KMT2E: variants seen among roughly 807,000 people sequenced by gnomAD.
KMT2E encodes lysine methyltransferase 2E (inactive).
Under a neutral mutation model 184.6 loss-of-function variants are expected in KMT2E, and 30 were observed. The observed-to-expected ratio is 0.16, with a 90% confidence interval of 0.12 to 0.22. The LOEUF (loss-of-function observed/expected upper bound fraction) is 0.22, where lower values mean the gene tolerates loss of function less well. Among genes scored for constraint, KMT2E ranks in the 10% least tolerant of loss-of-function variants. The pLI, the probability that KMT2E is intolerant of heterozygous loss-of-function variation, is 1.00. For synonymous variants in KMT2E, 815 were observed against 776.5 expected (o/e 1.05, Z -0.82); for missense variants, 2,023 against 2,237.4 (o/e 0.90, Z 1.93).
chr7:105,049,315 C>T (rs1367533869), intron 3 of KMT2E, among the ~76,000 whole-genome samples: 1 of 152,010 alleles, frequency 6.6e-6, no homozygotes, highest in Non-Finnish European at 1.5e-5. Flanking sequence ...AGTGTGGTTG[C>T]TTGTGCCCGT....
intron 12 of KMT2E, among the ~76,000 whole-genome samples, chr7:105,081,047 T>TTCAGAG (rs1319307808): frequency 1.3e-5 from 2 of 151,384 alleles, no homozygotes; most frequent in Non-Finnish European, 2.9e-5. Context: ...TGCCACCAGT[T>TTCAGAG]ATAAGACTCC....
intron 23 of KMT2E, among the ~76,000 whole-genome samples, 157 bp from the exon 24 acceptor site, chr7:105,110,121 CTG>C (rs1248052475): frequency 6.6e-6 from 1 of 152,188 alleles, no homozygotes; most frequent in Non-Finnish European, 1.5e-5. Flanking sequence ...GCGTGAGCCA[CTG>C]TGCCCTGCCA....
Position 105,040,929 on chromosome 7 carries a change from T to A in KMT2E, c.-24T>A. 6.3e-7 allele frequency: 1 copy of A among 1,596,682 alleles called. No individual in the cohort carries two copies. Among genetic ancestry groups the A allele is most frequent in the Non-Finnish European group, 8.6e-7 (1 of 1,167,454 alleles). On this transcript the variant is annotated 5_prime_UTR_variant, in exon 3 of 27. Transcript: ENST00000311117. The stretch of plus-strand genomic sequence containing the variant: ...ACCAATGCATAGGACTCCATAGTAA[T>A]CGAATTTACCAGAGGCGAACGTCAT...
chr7:105,085,840 G>C (rs978904812), intron 13 of KMT2E, among the ~76,000 whole-genome samples: 4 of 151,762 alleles, frequency 2.6e-5, no homozygotes, highest in Middle Eastern at 3.2e-3. Flanking sequence ...GACTAATTTT[G>C]TTTTTGTATT....
At chr7:105,053,314 A>G (rs1019998974) in intron 3 of KMT2E, among the ~76,000 whole-genome samples, 3 of 152,172 alleles carry the variant, frequency 2.0e-5, no homozygotes, top group Admixed American at 6.5e-5. Context: ...GACATAACGT[A>G]GGAAGAGAAG....
At chr7:105,056,213 G>C (rs1796565576) in intron 3 of KMT2E, among the ~76,000 whole-genome samples, 1 of 152,140 alleles carries the variant, frequency 6.6e-6, no homozygotes, top group Non-Finnish European at 1.5e-5. Flanking sequence ...AGTATATTTA[G>C]AATCATTCCG....
intron 1 of KMT2E, among the ~76,000 whole-genome samples, chr7:105,015,480 C>G (rs1268685259): frequency 1.3e-5 from 2 of 152,130 alleles, no homozygotes; most frequent in Admixed American, 6.5e-5. Context: ...ATTTTGTTCC[C>G]TTTTTAGAGA....
At chr7:105,053,012 C>T (rs1021744237) in intron 3 of KMT2E, among the ~76,000 whole-genome samples, 2 of 152,152 alleles carry the variant, frequency 1.3e-5, no homozygotes, top group Non-Finnish European at 2.9e-5. Context: ...TTTATAGCCT[C>T]TTCATTGTAG....
intron 1 of KMT2E, among the ~76,000 whole-genome samples, chr7:105,026,549 G>C (rs936966045): frequency 1.3e-4 from 20 of 152,152 alleles, no homozygotes; most frequent in African/African-American, 4.6e-4. Flanking sequence ...GATTGTGTTG[G>C]TTAACATCGC....
intron 5 of KMT2E, among the ~76,000 whole-genome samples, chr7:105,065,947 C>T (rs928534254): frequency 4.6e-5 from 7 of 152,150 alleles, no homozygotes; most frequent in Non-Finnish European, 1.0e-4. Context: ...TCAAACTGGT[C>T]CATGTATTCT....
At chr7:105,073,483 A>G in intron 6 of KMT2E, 136 bp from the exon 7 acceptor site, 3 of 558,386 alleles carry the variant, frequency 5.4e-6, no homozygotes, top group Non-Finnish European at 9.7e-6. Flanking sequence ...TGTAAACTGT[A>G]TTGCAAGGGA....
intron 3 of KMT2E, among the ~76,000 whole-genome samples, chr7:105,050,079 T>C (rs1796266965): frequency 1.3e-5 from 2 of 152,164 alleles, no homozygotes; most frequent in Admixed American, 1.3e-4. Context: ...CATGTAAATA[T>C]AACAGAATTA....
At chr7:105,079,029 G>A (rs995375643) in intron 12 of KMT2E, 66 bp downstream of exon 12, 5 of 839,404 alleles carry the variant, frequency 6.0e-6, no homozygotes, top group Middle Eastern at 2.2e-4. Flanking sequence ...TGAGCAATAA[G>A]CACAAAACTC....
chr7:105,106,710 C>T lies in KMT2E; in HGVS notation c.2785C>T (p.Pro929Ser). The change falls in exon 20 of 27, where the codon CCC becomes TCC. Residue 929 changes from proline to serine, a missense_variant. Transcript: ENST00000311117. The stretch of plus-strand genomic sequence containing the variant: ...TGAAACTTGTAGAAATGGTTATAAA[C>T]CCATATATTCACCAGTTACCCCAGT... Reference protein sequence around the residue: ...DDETCRNGYKPIYSPVTPVTP... With the variant: ...DDETCRNGYKSIYSPVTPVTP... The T allele has an allele frequency of 6.2e-7, 1 of 1,613,504 alleles. No individual in the cohort carries two copies. Among genetic ancestry groups the T allele is most frequent in the Non-Finnish European group, 8.5e-7 (1 of 1,179,550 alleles).
chr7:105,095,565 C>T (rs1045759352), intron 15 of KMT2E, among the ~76,000 whole-genome samples: 1 of 152,204 alleles, frequency 6.6e-6, no homozygotes, highest in Non-Finnish European at 1.5e-5. Flanking sequence ...GTTCCATTAC[C>T]TCTACCCCTT....
intron 3 of KMT2E, among the ~76,000 whole-genome samples, chr7:105,060,894 A>G (rs1276223628): frequency 6.6e-6 from 1 of 152,260 alleles, no homozygotes; most frequent in East Asian, 1.9e-4. Flanking sequence ...CTAGGTGTAT[A>G]GTAGGCTATA....
chr7:105,106,791 G>T lies in KMT2E; in HGVS notation c.2847+19G>T. 6.3e-7 allele frequency: 1 copy of T among 1,587,592 alleles called. No homozygotes were observed. Among genetic ancestry groups the T allele is most frequent in the South Asian group, 1.1e-5 (1 of 87,724 alleles). On this transcript the variant is annotated intron_variant, in intron 20 of 26. Transcript: ENST00000311117. The stretch of plus-strand genomic sequence containing the variant: ...CTTTGAGGTGAGAAATTTTAATGGA[G>T]AAAAAAAAATTCAACACTTGGGGGG...
At position 105,091,206 on chromosome 7, in the gene KMT2E, C is replaced by A. The variant is rs184404417; in HGVS notation, c.1624-10C>A. On this transcript the variant is annotated splice_polypyrimidine_tract_variant and intron_variant, in intron 14 of 26. Coordinates refer to ENST00000311117, the MANE Select transcript of KMT2E (RefSeq NM_182931.3). Reference sequence around the variant, plus strand: ...ATAGTTTGTATAAAGAAGTCATTTCCATTTTTCAGGAACCAGATTTTATTG... The same window carrying A: ...ATAGTTTGTATAAAGAAGTCATTTCAATTTTTCAGGAACCAGATTTTATTG... 3.3e-5 allele frequency: 44 copies of A among 1,316,026 alleles called. No individual in the cohort carries two copies. The East Asian group carries it at 9.0e-4, about 27-fold the overall frequency. 81.5% of individuals were successfully genotyped at this position (1,316,026 alleles called of 1,614,324 possible).
chr7:105,030,156 G>T (rs572512641), intron 1 of KMT2E, among the ~76,000 whole-genome samples: 121 of 152,290 alleles, frequency 7.9e-4, no homozygotes, highest in Middle Eastern at 6.8e-3. Flanking sequence ...CATTCTTTAG[G>T]AGGTTAAGAA....
Sources: gnomAD v4.1 joint callset for allele counts (sites outside exome capture counted in the v4.1 genomes callset) on GRCh38, gnomAD v4.1.1 for gene constraint, MANE v1.5 for transcripts, NCBI Gene and HGNC (gene_info 2026-07-23, HGNC 2026-07-21) for gene names.